The following ANXA2 variants were observed in gnomAD, a reference collection of about 807,000 sequenced individuals.
The protein encoded by ANXA2 is annexin A2, also known as annexin II.
Under a neutral mutation model 47.3 loss-of-function variants are expected in ANXA2, and 28 were observed. That is an observed-to-expected ratio of 0.59 (90% CI 0.44 to 0.81). ANXA2 has a LOEUF of 0.81. ANXA2 is among the 40% of genes least tolerant of loss of function. The probability of loss-of-function intolerance (pLI) is 0.00; values close to 1 mark genes in which losing one functional copy is unlikely to be tolerated. For synonymous variants in ANXA2, 172 were observed against 155.5 expected, an observed-to-expected ratio of 1.11 and a Z score of -0.79; for missense variants, 384 against 414.3, an observed-to-expected ratio of 0.93 and a Z score of 0.64.
At chr15:60,348,461 G>A (rs1895830162) in intron 12 of ANXA2, among the ~76,000 whole-genome samples, 1 of 152,188 alleles carries the variant, frequency 6.6e-6, no homozygotes, top group Admixed American at 6.5e-5. Context: ...AAAGTAAAAT[G>A]TGGCCGGGCG....
At chr15:60,363,029 C>CAAAAAAAAAAAAAAAAAAAAAA (rs55992595) in intron 4 of ANXA2, 5 of 74,034 alleles carry the variant, frequency 6.8e-5, no homozygotes, top group Admixed American at 1.9e-4. Context: ...GACCCTGTCA[C>CAAAAAAAAAAAAAAAAAAAAAA]AAAAAAAAAA....
intron 2 of ANXA2, among the ~76,000 whole-genome samples, chr15:60,385,183 T>G (rs569745290): frequency 1.9e-3 from 296 of 152,324 alleles, no homozygotes; most frequent in African/African-American, 6.8e-3. Context: ...AACAGATGAA[T>G]TACAATAATT....
chr15:60,397,362 G>T, intron 1 of ANXA2: 1 of 975,942 alleles, frequency 1.0e-6, no homozygotes, highest in Non-Finnish European at 1.2e-6. Context: ...AATAACTGAC[G>T]TTTTAATGTC....
chr15:60,364,644 C>CGG, intron 3 of ANXA2, 121 bp from the exon 4 acceptor site: 1 of 647,680 alleles, frequency 1.5e-6, no homozygotes, highest in Admixed American at 3.4e-5. Flanking sequence ...AACTGAAATA[C>CGG]CCAGACACCA....
At position 60,364,430 on chromosome 15, in the gene ANXA2, T is replaced by C. The variant is rs1417131819; in HGVS notation, c.242A>G (p.Lys81Arg). 5 of 1,608,632 alleles carry C rather than the reference T, an allele frequency of 3.1e-6. No homozygotes were observed. The highest frequency in any genetic ancestry group is 3.4e-6 in the Non-Finnish European group (4 of 1,177,710). ...CTCCATCCCTGGAATTGCCTGTACC[T>C]TTTTGGTCCTTCTCTGGTAGGCGAA... is the stretch of plus-strand genomic sequence containing the variant. ...IAFAYQRRTK[K>R]ELASALKSAL... The change falls in exon 4 of 13, where the codon AAG (lysine) becomes AGG (arginine). Residue 81 changes from lysine (K) to arginine (R), a missense_variant and splice_region_variant. Physicochemically the swap from Lys to Arg is conservative, Grantham distance 26. Transcript: ENST00000451270.
chr15:60,347,589 A>G lies in ANXA2; in HGVS notation c.*41T>C. 1 of 1,605,362 alleles carries G rather than the reference A, an allele frequency of 6.2e-7. No homozygotes were observed. Among genetic ancestry groups the G allele is most frequent in the Non-Finnish European group, 8.5e-7 (1 of 1,172,118 alleles). ...TTTTCTAGACCTGTTAGCTGGAAGC[A>G]TGGTGAGCACCATTTCTGGACGCTC... On this transcript the variant is annotated 3_prime_UTR_variant, in exon 13 of 13. Transcript: ENST00000451270.
intron 3 of ANXA2, among the ~76,000 whole-genome samples, chr15:60,375,864 C>T (rs973642021): frequency 2.0e-5 from 3 of 152,176 alleles, no homozygotes; most frequent in African/African-American, 7.2e-5. Context: ...CAAGAAATAG[C>T]TGGTTCTGCC....
At chr15:60,377,775 A>AT (rs770444797) in intron 3 of ANXA2, among the ~76,000 whole-genome samples, 1 of 151,870 alleles carries the variant, frequency 6.6e-6, no homozygotes. Flanking sequence ...AATGCCTTTT[A>AT]TTTTTTCTTT....
At chr15:60,395,184 T>A (rs564083422) in intron 1 of ANXA2, among the ~76,000 whole-genome samples, 4 of 152,222 alleles carry the variant, frequency 2.6e-5, no homozygotes, top group Admixed American at 2.6e-4. Context: ...TTTGGGAAAA[T>A]ATAAAGTTTA....
chr15:60,392,943 A>C (rs980891970), intron 1 of ANXA2: 6 of 7,262 alleles, frequency 8.3e-4, no homozygotes, highest in Non-Finnish European at 1.6e-3. Flanking sequence ...ATTTTAAACT[A>C]AAAAAAAAAA....
At chr15:60,386,853 A>G (rs2062940135) in intron 1 of ANXA2, 1 of 152,222 alleles carries the variant, frequency 6.6e-6, no homozygotes, top group Non-Finnish European at 1.5e-5. Context: ...AATTGGTGGT[A>G]AATTTATCTC....
chr15:60,380,160 G>A (rs984407300), intron 3 of ANXA2, among the ~76,000 whole-genome samples: 6 of 152,166 alleles, frequency 3.9e-5, no homozygotes, highest in African/African-American at 9.7e-5. Flanking sequence ...GTGCTTGTAC[G>A]TGTGTGTGTT....
intron 3 of ANXA2, among the ~76,000 whole-genome samples, chr15:60,376,878 C>T (rs570457080): frequency 1.7e-4 from 26 of 152,336 alleles, no homozygotes; most frequent in African/African-American, 5.8e-4. Context: ...GCTCCCAGCT[C>T]TTCTTCCTGA....
At chr15:60,380,788 G>A (rs1453548117) in intron 3 of ANXA2, among the ~76,000 whole-genome samples, 12 of 110,314 alleles carry the variant, frequency 1.1e-4, no homozygotes, top group Admixed American at 3.9e-4. Context: ...TGGGCAACAA[G>A]AGTGAAACTC....
intron 3 of ANXA2, among the ~76,000 whole-genome samples, chr15:60,371,662 A>C (rs2062711897): frequency 6.6e-6 from 1 of 152,126 alleles, no homozygotes; most frequent in Admixed American, 6.5e-5. Flanking sequence ...ACAAAGGAAA[A>C]CTGTCCAGAT....
rs369445813 is a variant in ANXA2 at position 60,357,255 on chromosome 15, G to A, written c.358-19C>T. On this transcript the variant is annotated intron_variant, in intron 5 of 12. Coordinates refer to ENST00000451270, the MANE Select transcript of ANXA2 (RefSeq NM_004039.3). The stretch of plus-strand genomic sequence containing the variant: ...CCAGCCCCTGTGAACCAGGAAGCAC[G>A]AACATCAGCAGGGAAATGCTTCCCC... The A allele has an allele frequency of 3.7e-5, 60 of 1,604,046 alleles. No homozygotes were observed. Among genetic ancestry groups the A allele is most frequent in the Middle Eastern group, 1.7e-4 (1 of 6,046 alleles).
chr15:60,379,822 C>A (rs2062830691), intron 3 of ANXA2, among the ~76,000 whole-genome samples: 1 of 152,218 alleles, frequency 6.6e-6, no homozygotes, highest in Admixed American at 6.5e-5. Context: ...CCAGACGTTT[C>A]TGTCTAAAAA....
chr15:60,376,661 C>T (rs574925015), intron 3 of ANXA2, among the ~76,000 whole-genome samples: 2 of 152,328 alleles, frequency 1.3e-5, no homozygotes, highest in South Asian at 4.1e-4. Flanking sequence ...CTTTAGCTCA[C>T]ACCAAGAAGA....
rs1319997013 is a variant in ANXA2 at position 60,347,713 on chromosome 15, G to A, written c.961-24C>T. The A allele has an allele frequency of 1.9e-6, 3 of 1,611,976 alleles. No individual in the cohort carries two copies. In the Admixed American group the frequency reaches 5.0e-5, roughly 27 times the overall value. On this transcript the variant is annotated intron_variant, in intron 12 of 12. Transcript: ENST00000451270. The stretch of plus-strand genomic sequence containing the variant: ...TGCTACAATGGCCCAGGAAAGAAAA[G>A]AAACGTGGTATCAGAAAAAAGCCCA...
Sources: gnomAD v4.1 joint callset for allele counts (sites outside exome capture counted in the v4.1 genomes callset) on GRCh38, gnomAD v4.1.1 for gene constraint, MANE v1.5 for transcripts, NCBI Gene and HGNC (gene_info 2026-07-23, HGNC 2026-07-21) for gene names.